PTH2R: variants seen among roughly 807,000 people sequenced by gnomAD.
PTH2R encodes parathyroid hormone 2 receptor, also known as PTH2 receptor.
Under a neutral mutation model 60.3 loss-of-function variants are expected in PTH2R, and 59 were observed. The observed-to-expected ratio is 0.98, with a 90% CI of 0.79 to 1.22. The LOEUF (loss-of-function observed/expected upper bound fraction) is 1.22, where lower values mean the gene tolerates loss of function less well. Among genes scored for constraint, PTH2R ranks in the 50% most tolerant of loss-of-function variants. PTH2R has a pLI of 0.00. For missense variants in PTH2R, 749 were observed against 682.6 expected, an observed-to-expected ratio of 1.10 and a Z score of -1.08; for synonymous variants, 256 against 243.8, an observed-to-expected ratio of 1.05 and a Z score of -0.47.
chr2:208,382,230 A>G (rs1265709060), intron 1 of PTH2R, among the ~76,000 whole-genome samples: 1 of 151,936 alleles, frequency 6.6e-6, no homozygotes, highest in African/African-American at 2.4e-5. Flanking sequence ...ACATTTATGG[A>G]TATTTGGGAG....
chr2:208,400,325 T>A (rs1169503280), intron 1 of PTH2R, among the ~76,000 whole-genome samples: 1 of 152,220 alleles, frequency 6.6e-6, no homozygotes, highest in East Asian at 1.9e-4. Flanking sequence ...ATTGTTATAA[T>A]ATCCTGAGAC....
At chr2:208,414,166 T>G (rs1388607130) in intron 1 of PTH2R, among the ~76,000 whole-genome samples, 2 of 152,196 alleles carry the variant, frequency 1.3e-5, no homozygotes, top group African/African-American at 4.8e-5. Context: ...TTTTACTGTC[T>G]GCTCTTTCTG....
At chr2:208,373,878 T>C (rs1383673922) in intron 1 of PTH2R, among the ~76,000 whole-genome samples, 2 of 152,114 alleles carry the variant, frequency 1.3e-5, no homozygotes, top group Non-Finnish European at 2.9e-5. Context: ...TAGTTTAATA[T>C]ATTCTATTCC....
chr2:208,377,586 C>G (rs1317760721), intron 1 of PTH2R, among the ~76,000 whole-genome samples: 1 of 147,838 alleles, frequency 6.8e-6, no homozygotes, highest in African/African-American at 2.6e-5. Context: ...GCTGGCCGGG[C>G]GGGGGCTGAC....
At chr2:208,384,836 C>T (rs1205412017) in intron 1 of PTH2R, among the ~76,000 whole-genome samples, 3 of 152,250 alleles carry the variant, frequency 2.0e-5, no homozygotes, top group East Asian at 3.9e-4. Context: ...TGTAAAGTCA[C>T]GGAAGTGCTG....
chr2:208,460,055 C>G (rs1702603032), intron 9 of PTH2R, 94 bp downstream of exon 9: 1 of 1,058,656 alleles, frequency 9.4e-7, no homozygotes, highest in African/African-American at 1.6e-5. Context: ...CATTCTACAA[C>G]AGATCTGAGA....
chr2:208,376,962 T>A (rs1025697656), intron 1 of PTH2R, among the ~76,000 whole-genome samples: 25 of 151,900 alleles, frequency 1.6e-4, no homozygotes, highest in African/African-American at 5.6e-4. Context: ...GGAGGGAAGG[T>A]CAGCAGATAA....
chr2:208,433,575 T>C (rs1702015133), intron 2 of PTH2R, among the ~76,000 whole-genome samples: 1 of 152,206 alleles, frequency 6.6e-6, no homozygotes. Context: ...AGTTTGTGAG[T>C]ATATGATTTT....
At chr2:208,459,073 A>G (rs1194021227) in intron 8 of PTH2R, among the ~76,000 whole-genome samples, 1 of 152,146 alleles carries the variant, frequency 6.6e-6, no homozygotes, top group Non-Finnish European at 1.5e-5. Context: ...TCCCACCAAC[A>G]GCATATAAGG....
chr2:208,489,955 G>A (rs138627678), intron 11 of PTH2R, among the ~76,000 whole-genome samples: 58 of 152,244 alleles, frequency 3.8e-4, no homozygotes, highest in African/African-American at 1.3e-3. Context: ...CTGGCTACTT[G>A]TTCTTGTCAC....
intron 10 of PTH2R, 57 bp downstream of exon 10, chr2:208,481,221 T>C: frequency 1.9e-5 from 2 of 106,804 alleles, no homozygotes; most frequent in Non-Finnish European, 2.6e-5. Flanking sequence ...TTTCTTTCCT[T>C]TTTTTTTTTT....
At chr2:208,394,437 T>TC (rs375943205) in intron 1 of PTH2R, among the ~76,000 whole-genome samples, 120 of 152,092 alleles carry the variant, frequency 7.9e-4, no homozygotes, top group African/African-American at 2.7e-3. Context: ...GTAGGGGGTG[T>TC]CCCCCCCACC....
At chr2:208,400,794 T>C (rs1254377640) in intron 1 of PTH2R, among the ~76,000 whole-genome samples, 1 of 152,228 alleles carries the variant, frequency 6.6e-6, no homozygotes, top group Non-Finnish European at 1.5e-5. Context: ...ATTGGAAATG[T>C]GATTTATGTG....
In PTH2R at chr2:208,377,680, C is replaced by A. The variant is rs576290911; in HGVS notation, c.-259+17443C>A. 2.0e-3 allele frequency among the ~76,000 whole-genome samples: 309 copies of A among 151,480 alleles called. 2 individuals are homozygous for A. The highest frequency in any genetic ancestry group is 3.4e-3 in the Admixed American group (52 of 15,236). On this transcript the variant is annotated intron_variant, in intron 1 of 12. Transcript: ENST00000617735. ...ACGGGGCAGCTGCCGGGCGGAGGGG[C>A]TCCTCACTTCTCAGACGGGGTGGCC... is the stretch of plus-strand genomic sequence containing the variant.
chr2:208,485,408 G>A (rs947824835), intron 10 of PTH2R, among the ~76,000 whole-genome samples: 1 of 152,166 alleles, frequency 6.6e-6, no homozygotes, highest in Non-Finnish European at 1.5e-5. Flanking sequence ...TTATTGGACA[G>A]CTGTGCATTT....
intron 10 of PTH2R, 131 bp from the exon 11 acceptor site, chr2:208,488,881 A>C: frequency 1.1e-6 from 1 of 924,088 alleles, no homozygotes; most frequent in Non-Finnish European, 1.6e-6. Flanking sequence ...ACCCTGTCTC[A>C]AGAAAAGATA....
intron 1 of PTH2R, among the ~76,000 whole-genome samples, chr2:208,395,079 G>A (rs1422088707): frequency 1.3e-5 from 2 of 151,112 alleles, no homozygotes; most frequent in Non-Finnish European, 2.9e-5. Context: ...ATGGAGTCTT[G>A]CTCTGTTGCC....
rs557939800 is a variant in PTH2R, at chr2:208,369,858, T to C, written c.-259+9621T>C. 2.5e-3 allele frequency among the ~76,000 whole-genome samples: 373 copies of C among 152,214 alleles called. 1 individual carries two copies. The highest frequency in any genetic ancestry group is 3.4e-3 in the Middle Eastern group (1 of 294). ...TGAGACATCATAGACAACGCACTTATGTATTGCAACCCTAAGTTCTCAGTA... is the reference window on the plus strand; with the variant it reads ...TGAGACATCATAGACAACGCACTTACGTATTGCAACCCTAAGTTCTCAGTA... On this transcript the variant is annotated intron_variant, in intron 1 of 12. Transcript: ENST00000617735.
intron 1 of PTH2R, among the ~76,000 whole-genome samples, chr2:208,376,882 A>T (rs939596538): frequency 1.3e-5 from 2 of 150,210 alleles, no homozygotes; most frequent in Non-Finnish European, 3.0e-5. Flanking sequence ...TAATTAATTA[A>T]TTTTTTTTTA....
Sources: allele counts gnomAD v4.1 joint callset (sites outside exome capture counted in the v4.1 genomes callset), GRCh38; gene constraint gnomAD v4.1.1; transcripts MANE v1.5; gene names NCBI Gene and HGNC (gene_info 2026-07-23, HGNC 2026-07-21).